NTF3: variants seen among roughly 807,000 people sequenced by gnomAD.
NTF3 encodes the protein neurotrophin-3.
In NTF3, 8 loss-of-function variants were observed where a neutral mutation model predicts 26.3. The observed-to-expected ratio is 0.30, with a 90% CI of 0.18 to 0.55. The LOEUF is 0.55. NTF3 is among the 20% of genes least tolerant of loss of function. NTF3 has a pLI of 0.93. For synonymous variants in NTF3, 154 were observed against 145.5 expected, an observed-to-expected ratio of 1.06 and a Z score of -0.42; for missense variants, 276 against 352.9, an observed-to-expected ratio of 0.78 and a Z score of 1.75.
intron 1 of NTF3, among the ~76,000 whole-genome samples, chr12:5,487,477 AC>A: frequency 6.6e-6 from 1 of 152,172 alleles, no homozygotes; most frequent in Non-Finnish European, 1.5e-5. Context: ...CAGTTTCAGT[AC>A]TTCCTTTCTT....
chr12:5,444,741 ATCCCTCCGGCTG>A (rs1306710090), intron 1 of NTF3, among the ~76,000 whole-genome samples: 1 of 152,186 alleles, frequency 6.6e-6, no homozygotes, highest in East Asian at 1.9e-4. Flanking sequence ...TTTTAAAAAG[ATCCCTCCGGCTG>A]CAGTGTGGCT....
intron 1 of NTF3, among the ~76,000 whole-genome samples, chr12:5,479,805 A>C (rs12319650): frequency 0.2 from 30,698 of 152,262 alleles, 3,960 homozygotes; most frequent in African/African-American, 0.36. Context: ...CCGATGGCTC[A>C]GCCATATATG....
intron 1 of NTF3, among the ~76,000 whole-genome samples, chr12:5,462,653 G>A (rs1320015455): frequency 1.3e-5 from 2 of 152,176 alleles, no homozygotes; most frequent in East Asian, 3.8e-4. Flanking sequence ...CATCCTCAGT[G>A]AAGGCAGATG....
At chr12:5,473,965 AC>A (rs771704231) in intron 1 of NTF3, among the ~76,000 whole-genome samples, 23 of 152,088 alleles carry the variant, frequency 1.5e-4, no homozygotes, top group Non-Finnish European at 2.6e-4. Context: ...CTTCTGATTC[AC>A]CCTAGTTGGT....
intron 1 of NTF3, among the ~76,000 whole-genome samples, chr12:5,448,727 G>A (rs10774330): frequency 0.67 from 102,189 of 152,038 alleles, 34,416 homozygotes; most frequent in South Asian, 0.73. Context: ...CATTGTTCTT[G>A]GATTCCTAAG....
intron 1 of NTF3, among the ~76,000 whole-genome samples, chr12:5,468,667 A>G (rs551533299): frequency 6.6e-6 from 1 of 152,148 alleles, no homozygotes; most frequent in Non-Finnish European, 1.5e-5. Context: ...CTCTCAGGAC[A>G]CTCACCACAC....
intron 1 of NTF3, among the ~76,000 whole-genome samples, chr12:5,464,848 G>A (rs746529699): frequency 6.6e-6 from 1 of 152,192 alleles, no homozygotes; most frequent in African/African-American, 2.4e-5. Context: ...GGGTTGGGGG[G>A]TAGAGATGAA....
chr12:5,478,124 T>A (rs1940746006), intron 1 of NTF3, among the ~76,000 whole-genome samples: 2 of 152,374 alleles, frequency 1.3e-5, no homozygotes, highest in South Asian at 4.1e-4. Context: ...AGTGGTTATT[T>A]ACTGCTTTCC....
chr12:5,452,792 G>A (rs1022332463), intron 1 of NTF3, among the ~76,000 whole-genome samples: 14 of 152,160 alleles, frequency 9.2e-5, no homozygotes, highest in African/African-American at 2.2e-4. Context: ...AAAGACTGTC[G>A]CCTCCCCTTT....
chr12:5,442,869 C>A (rs1227581664), intron 1 of NTF3, among the ~76,000 whole-genome samples: 2 of 152,156 alleles, frequency 1.3e-5, no homozygotes, highest in East Asian at 1.9e-4. Context: ...CCAAGAGATA[C>A]AAAGCAAGGC....
intron 1 of NTF3, among the ~76,000 whole-genome samples, chr12:5,488,123 C>G (rs1405641758): frequency 6.6e-6 from 1 of 152,206 alleles, no homozygotes; most frequent in Non-Finnish European, 1.5e-5. Flanking sequence ...CATGTGAGCT[C>G]ATTTCTCATT....
At chr12:5,483,135 G>A (rs1055816276) in intron 1 of NTF3, among the ~76,000 whole-genome samples, 4 of 147,910 alleles carry the variant, frequency 2.7e-5, no homozygotes, top group Non-Finnish European at 6.0e-5. Flanking sequence ...TCCTTTCTCT[G>A]TCTCAGCCTC....
chr12:5,441,729 G>T (rs181205980), intron 1 of NTF3, among the ~76,000 whole-genome samples: 15 of 152,356 alleles, frequency 9.8e-5, no homozygotes, highest in Admixed American at 9.1e-4. Flanking sequence ...GCAGCGATTT[G>T]ACAGTGCCAG....
At chr12:5,431,204 T>G (rs1940082490), upstream of NTF3, among the ~76,000 whole-genome samples, 1 of 152,126 alleles carries the variant, frequency 6.6e-6, no homozygotes, top group East Asian at 1.9e-4. Context: ...GTTTGTTTGT[T>G]GCTCGCCTTT....
At chr12:5,459,741 A>G (rs1477210840) in intron 1 of NTF3, among the ~76,000 whole-genome samples, 1 of 152,232 alleles carries the variant, frequency 6.6e-6, no homozygotes, top group African/African-American at 2.4e-5. Context: ...TTTTATCAGC[A>G]GGACCTTCGA....
intron 1 of NTF3, among the ~76,000 whole-genome samples, chr12:5,471,350 G>A (rs1184558042): frequency 6.6e-6 from 1 of 152,162 alleles, no homozygotes; most frequent in Non-Finnish European, 1.5e-5. Context: ...GAAGCACTGT[G>A]TGAGTTTGGG....
intron 1 of NTF3, among the ~76,000 whole-genome samples, chr12:5,488,690 C>T (rs1232536357): frequency 6.6e-6 from 1 of 152,128 alleles, no homozygotes; most frequent in African/African-American, 2.4e-5. Context: ...ATCACTTTCC[C>T]ACCTCTCTCC....
At chr12:5,445,505 G>C (rs932315046) in intron 1 of NTF3, among the ~76,000 whole-genome samples, 1 of 152,162 alleles carries the variant, frequency 6.6e-6, no homozygotes, top group Non-Finnish European at 1.5e-5. Flanking sequence ...CAGTTGCTTG[G>C]GGAGTGTGAA....
intron 1 of NTF3, among the ~76,000 whole-genome samples, chr12:5,485,365 C>T (rs1451902538): frequency 1.3e-5 from 2 of 152,176 alleles, no homozygotes; most frequent in Admixed American, 6.5e-5. Flanking sequence ...AGATATTCCG[C>T]AGTATTAGCT....
Sources: allele counts gnomAD v4.1 joint callset (sites outside exome capture counted in the v4.1 genomes callset), GRCh38; gene constraint gnomAD v4.1.1; transcripts MANE v1.5; gene names NCBI Gene and HGNC (gene_info 2026-07-23, HGNC 2026-07-21).